The following IGF2BP3 variants were observed in gnomAD, a reference collection of about 807,000 sequenced individuals.
The protein encoded by IGF2BP3 is insulin like growth factor 2 mRNA binding protein 3, also known as insulin-like growth factor 2 mRNA-binding protein 3.
A neutral mutation model predicts 73.8 loss-of-function variants in IGF2BP3; 9 were observed. That is an observed-to-expected ratio of 0.12 (90% CI 0.07 to 0.21). IGF2BP3 has a LOEUF of 0.21. Among genes scored for constraint, IGF2BP3 ranks in the 10% least tolerant of loss-of-function variants. The pLI, the probability that IGF2BP3 is intolerant of heterozygous loss-of-function variation, is 1.00. For synonymous variants in IGF2BP3, 258 were observed against 256.7 expected, an observed-to-expected ratio of 1.01 and a Z score of -0.05; for missense variants, 542 against 714.0, an observed-to-expected ratio of 0.76 and a Z score of 2.75.
intron 3 of IGF2BP3, among the ~76,000 whole-genome samples, chr7:23,368,320 G>GAAAAGAA (rs1244266257): frequency 1.3e-5 from 1 of 78,190 alleles, no homozygotes; most frequent in African/African-American, 5.2e-5. Flanking sequence ...GAAAGAGAGA[G>GAAAAGAA]AGAAAGAAAA....
At chr7:23,352,210 G>A (rs1035350144) in intron 5 of IGF2BP3, among the ~76,000 whole-genome samples, 3 of 146,748 alleles carry the variant, frequency 2.0e-5, no homozygotes, top group Admixed American at 1.3e-4. Context: ...GGCAGGGGTG[G>A]TGATAAACCA....
At chr7:23,428,433 C>G (rs983144354) in intron 2 of IGF2BP3, among the ~76,000 whole-genome samples, 1 of 151,810 alleles carries the variant, frequency 6.6e-6, no homozygotes, top group African/African-American at 2.4e-5. Context: ...GATCGCACCA[C>G]TGCACTCCAG....
intron 3 of IGF2BP3, among the ~76,000 whole-genome samples, chr7:23,387,327 G>A (rs1466638684): frequency 2.0e-5 from 3 of 151,988 alleles, no homozygotes; most frequent in East Asian, 1.9e-4. Flanking sequence ...TCATCAATAA[G>A]AAGGAGAGTT....
At chr7:23,333,551 G>T (rs916167938) in intron 10 of IGF2BP3, among the ~76,000 whole-genome samples, 1 of 152,240 alleles carries the variant, frequency 6.6e-6, no homozygotes. Context: ...AAACTTAAGA[G>T]AAATGTTGTG....
rs1784069467 is a variant in IGF2BP3, at chr7:23,319,153, A to C, written c.1305T>G (p.Ala435=). 6.2e-7 allele frequency: 1 copy of C among 1,612,422 alleles called. No homozygotes were observed. Among genetic ancestry groups the C allele is most frequent in the Non-Finnish European group, 8.5e-7 (1 of 1,178,734 alleles). The change falls in exon 11 of 15, where the codon GCT becomes GCG. Residue 435 remains alanine (A), a synonymous_variant. Coordinates refer to ENST00000258729, the MANE Select transcript of IGF2BP3 (RefSeq NM_006547.3). ...AGAACAGTACCTTAATTGAAGCTCC[A>C]GCAAAGCGAGAAAGCTGCTTGATGT... ...GQHIKQLSRF[A]GASIKIAPAE...
intron 5 of IGF2BP3, among the ~76,000 whole-genome samples, 173 bp from the exon 6 acceptor site, chr7:23,351,759 G>A (rs953917611): frequency 5.3e-5 from 8 of 151,604 alleles, no homozygotes; most frequent in South Asian, 2.1e-4. Context: ...CTCCCACCCC[G>A]CACCACCACC....
chr7:23,451,477 C>T (rs1010936381), intron 2 of IGF2BP3, among the ~76,000 whole-genome samples: 3 of 152,050 alleles, frequency 2.0e-5, no homozygotes, highest in Non-Finnish European at 4.4e-5. Context: ...TATAAAACCC[C>T]TATCATTCCA....
intron 5 of IGF2BP3, among the ~76,000 whole-genome samples, chr7:23,354,905 C>G (rs944119610): frequency 8.5e-5 from 13 of 152,168 alleles, no homozygotes; most frequent in Non-Finnish European, 1.5e-4. Flanking sequence ...CAGTCAGACA[C>G]AGCTGAAAAG....
chr7:23,361,247 A>C, intron 5 of IGF2BP3: 1 of 265,220 alleles, frequency 3.8e-6, no homozygotes, highest in Non-Finnish European at 7.2e-6. Flanking sequence ...ATTTGGCAAC[A>C]ATACCAAGGC....
At chr7:23,467,314 C>A (rs527928451) in intron 2 of IGF2BP3, among the ~76,000 whole-genome samples, 9 of 152,278 alleles carry the variant, frequency 5.9e-5, no homozygotes, top group South Asian at 4.1e-4. Flanking sequence ...TGCACAGCAC[C>A]AGAGAAATGC....
At chr7:23,343,467 C>T (rs1331161286) in intron 9 of IGF2BP3, among the ~76,000 whole-genome samples, 1 of 152,182 alleles carries the variant, frequency 6.6e-6, no homozygotes, top group Non-Finnish European at 1.5e-5. Flanking sequence ...TAGGTAGACA[C>T]TAGCCTTACT....
At chr7:23,340,047 A>G (rs957509510) in intron 10 of IGF2BP3, among the ~76,000 whole-genome samples, 2 of 152,168 alleles carry the variant, frequency 1.3e-5, no homozygotes, top group Admixed American at 1.3e-4. Context: ...TTTTTATTAT[A>G]CAGGTGAGAA....
chr7:23,388,882 A>C (rs969930661), intron 3 of IGF2BP3, among the ~76,000 whole-genome samples: 11 of 152,318 alleles, frequency 7.2e-5, no homozygotes, highest in Admixed American at 6.5e-4. Context: ...TAAAAACTGG[A>C]AACAGCCCAA....
At chr7:23,323,637 A>G (rs1191434227) in intron 10 of IGF2BP3, among the ~76,000 whole-genome samples, 2 of 151,802 alleles carry the variant, frequency 1.3e-5, no homozygotes, top group African/African-American at 2.4e-5. Flanking sequence ...GCACCACACC[A>G]CACCTATTCC....
At chr7:23,333,451 A>G (rs753165427) in intron 10 of IGF2BP3, among the ~76,000 whole-genome samples, 2 of 152,236 alleles carry the variant, frequency 1.3e-5, no homozygotes, top group Non-Finnish European at 2.9e-5. Context: ...AAACAAAAAC[A>G]AAGTTATCTT....
intron 2 of IGF2BP3, among the ~76,000 whole-genome samples, chr7:23,441,760 G>A (rs1787942023): frequency 6.6e-6 from 1 of 152,008 alleles, no homozygotes; most frequent in East Asian, 1.9e-4. Flanking sequence ...AATTATGACA[G>A]TGGTTAAAAA....
rs374414853 is a variant in IGF2BP3, at chr7:23,408,898, C to T, written c.285+9878G>A. Among the ~76,000 whole-genome samples, 6 of 152,282 alleles carry T rather than the reference C, an allele frequency of 3.9e-5. No homozygotes were observed. In the South Asian group the frequency reaches 1.0e-3, roughly 26 times the overall value. On this transcript the variant is annotated intron_variant, in intron 3 of 14. Transcript: ENST00000258729. ...CAAAAGAAAATTCTGACACATACTA[C>T]GACAGCGGTCCCCAACTATTTTCGC...
intron 10 of IGF2BP3, among the ~76,000 whole-genome samples, chr7:23,321,691 G>A (rs949328636): frequency 6.6e-6 from 1 of 152,222 alleles, no homozygotes; most frequent in Non-Finnish European, 1.5e-5. Context: ...GCTTTGAAGA[G>A]AGCAGTGGTT....
intron 3 of IGF2BP3, among the ~76,000 whole-genome samples, chr7:23,391,856 TTC>T (rs1311686413): frequency 6.6e-6 from 1 of 152,180 alleles, no homozygotes; most frequent in Non-Finnish European, 1.5e-5. Context: ...GAAGGAATGT[TTC>T]TGTTTTTACA....
Sources: allele counts gnomAD v4.1 joint callset (sites outside exome capture counted in the v4.1 genomes callset), GRCh38; gene constraint gnomAD v4.1.1; transcripts MANE v1.5; gene names NCBI Gene and HGNC (gene_info 2026-07-23, HGNC 2026-07-21).